The following SSBP2 variants were observed in gnomAD, a reference collection of about 807,000 sequenced individuals.
SSBP2 encodes the protein single stranded DNA binding protein 2, also known as single-stranded DNA-binding protein 2.
A neutral mutation model predicts 61.8 loss-of-function variants in SSBP2; 17 were observed. The ratio of observed to expected loss-of-function variants is 0.28; its 90% confidence interval spans 0.19 to 0.41. The LOEUF (loss-of-function observed/expected upper bound fraction) is 0.41. Ranked by LOEUF, SSBP2 falls within the 10% of genes least tolerant of loss-of-function variation. The pLI is 1.00. For synonymous variants in SSBP2, 139 were observed against 141.3 expected, an observed-to-expected ratio of 0.98 and a Z score of 0.12; for missense variants, 310 against 458.7, an observed-to-expected ratio of 0.68 and a Z score of 2.96.
At chr5:81,595,319 T>A (rs1314591589) in intron 4 of SSBP2, among the ~76,000 whole-genome samples, 2 of 152,120 alleles carry the variant, frequency 1.3e-5, no homozygotes, top group Admixed American at 1.3e-4. Context: ...AATAGACCAA[T>A]AACAGGCTCT....
intron 4 of SSBP2, among the ~76,000 whole-genome samples, chr5:81,603,275 G>C (rs62366269): frequency 0.18 from 26,880 of 152,140 alleles, 2,461 homozygotes; most frequent in Non-Finnish European, 0.21. Context: ...TGATTAGAAG[G>C]CTAGGCTCAC....
chr5:81,732,267 T>C (rs1028484459), intron 1 of SSBP2, among the ~76,000 whole-genome samples: 1 of 152,210 alleles, frequency 6.6e-6, no homozygotes, highest in Non-Finnish European at 1.5e-5. Flanking sequence ...AATGAAGTGG[T>C]ATTCCATGAT....
chr5:81,463,250 T>C (rs1011515181), intron 9 of SSBP2, among the ~76,000 whole-genome samples: 2 of 152,186 alleles, frequency 1.3e-5, no homozygotes, highest in African/African-American at 4.8e-5. Flanking sequence ...GGAGTAGTTC[T>C]ATTAGAACAA....
At chr5:81,655,822 A>G (rs60972369) in intron 1 of SSBP2, among the ~76,000 whole-genome samples, 1,955 of 152,248 alleles carry the variant, frequency 0.013, 36 homozygotes, top group African/African-American at 0.045. Flanking sequence ...ACATTGACAA[A>G]ATTCCAGAAT....
intron 1 of SSBP2, among the ~76,000 whole-genome samples, chr5:81,709,850 T>A (rs1346961420): frequency 6.6e-6 from 1 of 151,980 alleles, no homozygotes; most frequent in Non-Finnish European, 1.5e-5. Flanking sequence ...GAACTATTCC[T>A]TTGCATGCTA....
At chr5:81,508,657 G>GT (rs1379403289) in intron 5 of SSBP2, among the ~76,000 whole-genome samples, 2 of 152,060 alleles carry the variant, frequency 1.3e-5, no homozygotes, top group Non-Finnish European at 2.9e-5. Flanking sequence ...TTCAAATGTA[G>GT]TTGTTATGTA....
At chr5:81,582,729 G>A (rs1774753600) in intron 4 of SSBP2, among the ~76,000 whole-genome samples, 1 of 152,044 alleles carries the variant, frequency 6.6e-6, no homozygotes. Flanking sequence ...GAGTAGCTGG[G>A]ATTACAGGCG....
At chr5:81,605,655 C>T (rs749216621) in intron 4 of SSBP2, among the ~76,000 whole-genome samples, 13 of 151,972 alleles carry the variant, frequency 8.6e-5, no homozygotes, top group South Asian at 2.1e-4. Flanking sequence ...TTATTTGTTT[C>T]AATTTAGTCT....
chr5:81,466,093 A>C (rs1217411008), intron 9 of SSBP2, among the ~76,000 whole-genome samples: 1 of 151,922 alleles, frequency 6.6e-6, no homozygotes, highest in Non-Finnish European at 1.5e-5. Context: ...AGTAATCAAA[A>C]CACGAACTGA....
At chr5:81,716,524 T>G (rs1368958969) in intron 1 of SSBP2, among the ~76,000 whole-genome samples, 1 of 152,216 alleles carries the variant, frequency 6.6e-6, no homozygotes. Context: ...TGCCTTTGAA[T>G]TTTTGCCATA....
At chr5:81,706,489 T>C in intron 1 of SSBP2, among the ~76,000 whole-genome samples, 1 of 152,320 alleles carries the variant, frequency 6.6e-6, no homozygotes, top group Middle Eastern at 3.4e-3. Context: ...ATAAAAGTTT[T>C]AATTATTTTT....
chr5:81,508,637 A>G (rs967603840), intron 5 of SSBP2, among the ~76,000 whole-genome samples: 1 of 152,150 alleles, frequency 6.6e-6, no homozygotes, highest in African/African-American at 2.4e-5. Context: ...ACTTTAATTC[A>G]TTGCTATTTT....
intron 4 of SSBP2, among the ~76,000 whole-genome samples, chr5:81,515,061 G>A (rs1768910348): frequency 6.6e-6 from 1 of 151,916 alleles, no homozygotes; most frequent in Non-Finnish European, 1.5e-5. Context: ...GTCAGTTATT[G>A]CTCTATTGAG....
intron 1 of SSBP2, among the ~76,000 whole-genome samples, chr5:81,693,752 CT>C: frequency 6.6e-6 from 1 of 152,162 alleles, no homozygotes; most frequent in Non-Finnish European, 1.5e-5. Flanking sequence ...AGTACAACCA[CT>C]ATAGAGAATA....
At chr5:81,686,104 T>C (rs531743911) in intron 1 of SSBP2, among the ~76,000 whole-genome samples, 2 of 152,216 alleles carry the variant, frequency 1.3e-5, no homozygotes, top group African/African-American at 4.8e-5. Flanking sequence ...TAATTTTTAA[T>C]TGAATCCAGA....
At chr5:81,704,860 C>T (rs183237619) in intron 1 of SSBP2, among the ~76,000 whole-genome samples, 5 of 147,168 alleles carry the variant, frequency 3.4e-5, no homozygotes, top group African/African-American at 1.3e-4. Flanking sequence ...AAATACTAGG[C>T]TAAGTTTAAA....
At chr5:81,422,508 C>T (rs1055362079) in intron 16 of SSBP2, among the ~76,000 whole-genome samples, 1 of 152,142 alleles carries the variant, frequency 6.6e-6, no homozygotes. Context: ...TATAAACATG[C>T]ATTACATCAA....
intron 1 of SSBP2, among the ~76,000 whole-genome samples, chr5:81,747,899 C>T (rs1461814035): frequency 6.6e-6 from 1 of 152,164 alleles, no homozygotes; most frequent in African/African-American, 2.4e-5. Flanking sequence ...TCCCACCTCC[C>T]TCCAAGGGTT....
chr5:81,448,741 T>C, intron 11 of SSBP2, 49 bp downstream of exon 11: 1 of 1,569,714 alleles, frequency 6.4e-7, no homozygotes, highest in Non-Finnish European at 8.8e-7. Flanking sequence ...ATTGCCCAAA[T>C]AAAATGTAAC....
Sources: gnomAD v4.1 joint callset for allele counts (sites outside exome capture counted in the v4.1 genomes callset) on GRCh38, gnomAD v4.1.1 for gene constraint, MANE v1.5 for transcripts, NCBI Gene and HGNC (gene_info 2026-07-23, HGNC 2026-07-21) for gene names.